Variants in CPEB2 observed in about 807,000 individuals in gnomAD.
CPEB2 encodes cytoplasmic polyadenylation element binding protein 2.
In CPEB2, 56 loss-of-function variants were observed where a neutral mutation model predicts 93.6. The ratio of observed to expected loss-of-function variants is 0.60; its 90% CI spans 0.48 to 0.75. CPEB2 has a LOEUF of 0.75. CPEB2 is among the 30% of genes least tolerant of loss of function. The pLI is 0.00. For synonymous variants in CPEB2, 764 were observed against 586.3 expected, an observed-to-expected ratio of 1.30 and a Z score of -4.38; for missense variants, 1,579 against 1,395.1, an observed-to-expected ratio of 1.13 and a Z score of -2.10.
chr4:15,028,566 A>G (rs1283820784), intron 4 of CPEB2, among the ~76,000 whole-genome samples: 1 of 152,086 alleles, frequency 6.6e-6, no homozygotes, highest in Non-Finnish European at 1.5e-5. Flanking sequence ...AGAAGTATAG[A>G]GACAGAAAAT....
chr4:15,040,805 A>G (rs1448297564), intron 6 of CPEB2, among the ~76,000 whole-genome samples: 1 of 152,152 alleles, frequency 6.6e-6, no homozygotes, highest in Non-Finnish European at 1.5e-5. Flanking sequence ...AATATTAGTG[A>G]AGTTAGCATG....
rs755358713 is a variant in CPEB2, at chr4:15,003,222, C to T, written c.549C>T (p.Ser183=). The change falls in exon 1 of 12, where the codon AGC becomes AGT. Residue 183 remains serine, a synonymous_variant. Transcript: ENST00000538197. ...GCAGCCAGAAGAGGAAAGAGTTCAG[C>T]CCTCCCCACCTTCCCCACCCTCCGG... ...QLSSQKRKEF[S]PPHLPHPPDS... is the part of the protein sequence containing the mutation. The T allele has an allele frequency of 8.8e-5, 135 of 1,531,550 alleles. 1 individual carries two copies. Among genetic ancestry groups the T allele is most frequent in the Non-Finnish European group, 1.1e-4 (129 of 1,145,276 alleles). The allele number at this position is 1,531,550 out of a possible 1,614,324, so 94.9% of individuals were successfully genotyped here.
chr4:15,004,336 G>A lies in CPEB2; in HGVS notation c.1662+1G>A. ...GAGGAACTCCTATAACCACCACCAG[G>A]TACGGCGGGCGGCGGCCTGGCCGCG... On this transcript the variant is annotated splice_donor_variant, in intron 1 of 11. Coordinates refer to ENST00000538197, the MANE Select transcript of CPEB2 (RefSeq NM_001177382.2). LOFTEE classifies it high-confidence loss of function. The A allele has an allele frequency of 6.9e-7, 1 of 1,448,644 alleles. No homozygotes were observed. The highest frequency in any genetic ancestry group is 9.0e-7 in the Non-Finnish European group (1 of 1,111,412). 89.7% of individuals were successfully genotyped at this position (1,448,644 alleles called of 1,614,324 possible).
intron 11 of CPEB2, among the ~76,000 whole-genome samples, chr4:15,065,704 T>C (rs1404192147): frequency 6.6e-6 from 1 of 152,094 alleles, no homozygotes; most frequent in East Asian, 1.9e-4. Flanking sequence ...TCCACAGTTC[T>C]GGCTTGTCTG....
intron 8 of CPEB2, among the ~76,000 whole-genome samples, chr4:15,055,759 T>C (rs1728659518): frequency 1.3e-5 from 2 of 152,200 alleles, no homozygotes; most frequent in South Asian, 4.1e-4. Context: ...CTTCTTCTAC[T>C]ATTGCTGCTT....
intron 11 of CPEB2, among the ~76,000 whole-genome samples, chr4:15,062,861 GT>G: frequency 6.6e-6 from 1 of 151,934 alleles, no homozygotes; most frequent in South Asian, 2.1e-4. Context: ...ATAAGAACTT[GT>G]AAGAAGTACT....
Position 15,004,308 on chromosome 4 carries a change from G to T in CPEB2, c.1635G>T (p.Gln545His), listed in dbSNP as rs1315901015. ...QHQAAAAAFL[Q>H]QRNSYNHHQP... ...AGGCGGCGGCCGCCGCCTTCCTGCAGCAGAGGAACTCCTATAACCACCACC... is the reference window on the plus strand; with the variant it reads ...AGGCGGCGGCCGCCGCCTTCCTGCATCAGAGGAACTCCTATAACCACCACC... Residue 545 changes from glutamine to histidine, a missense_variant, in exon 1 of 12, where the codon CAG becomes CAT. By Grantham distance (24) the Gln-to-His change is conservative. This residue lies in a region of CPEB2 where 1,411 missense variants were observed against 1,056.0 expected (regional missense o/e 1.34). Coordinates refer to ENST00000538197, the MANE Select transcript of CPEB2 (RefSeq NM_001177382.2). 2.7e-6 allele frequency: 4 copies of T among 1,490,942 alleles called. No individual in the cohort carries two copies. The African/African-American group carries it at 5.9e-5, about 22-fold the overall frequency. The allele number at this position is 1,490,942 out of a possible 1,614,324, so 92.4% of individuals were successfully genotyped here.
chr4:15,033,090 T>G (rs962424687), intron 4 of CPEB2, 71 bp from the exon 5 acceptor site: 1 of 1,060,898 alleles, frequency 9.4e-7, no homozygotes, highest in Admixed American at 2.2e-5. Context: ...TGTTGTTGTT[T>G]TTTGTTTTTT....
intron 5 of CPEB2, among the ~76,000 whole-genome samples, chr4:15,034,349 G>A (rs1490546583): frequency 6.6e-6 from 1 of 152,188 alleles, no homozygotes; most frequent in East Asian, 1.9e-4. Context: ...TACATTATTA[G>A]TTATACTAAA....
At position 15,044,585 on chromosome 4, in the gene CPEB2, A is replaced by G. The variant is rs143231555; in HGVS notation, c.2200+4098A>G. On this transcript the variant is annotated intron_variant, in intron 6 of 11. Transcript: ENST00000538197. Reference sequence around the variant, plus strand: ...TCCTTAATGAGAAAGGTACAAACCTATTGGAGCAAAACATTTTTAAGCCGT... The same window carrying G: ...TCCTTAATGAGAAAGGTACAAACCTGTTGGAGCAAAACATTTTTAAGCCGT... Among the ~76,000 whole-genome samples, 359 of 152,318 alleles carry G rather than the reference A, an allele frequency of 2.4e-3. 3 individuals are homozygous for G. The highest frequency in any genetic ancestry group is 0.018 in the South Asian group (88 of 4,832).
At chr4:15,030,086 G>C (rs1384002683) in intron 4 of CPEB2, among the ~76,000 whole-genome samples, 1 of 152,030 alleles carries the variant, frequency 6.6e-6, no homozygotes, top group Non-Finnish European at 1.5e-5. Flanking sequence ...GTAGTTATTA[G>C]TGTACATCTA....
At chr4:15,052,206 CTA>C (rs1728298380) in intron 6 of CPEB2, among the ~76,000 whole-genome samples, 1 of 151,984 alleles carries the variant, frequency 6.6e-6, no homozygotes, top group African/African-American at 2.4e-5. Context: ...TGACATATGA[CTA>C]TGTTTATTTC....
chr4:15,043,226 A>G (rs573964629), intron 6 of CPEB2, among the ~76,000 whole-genome samples: 1 of 152,326 alleles, frequency 6.6e-6, no homozygotes, highest in South Asian at 2.1e-4. Context: ...TAATAATGTC[A>G]ATAAGAACTT....
rs1371799402 is a variant in CPEB2, at chr4:15,069,376, A to T, written c.*2996A>T. The T allele has an allele frequency of 6.6e-6, 1 of 152,188 alleles. No homozygotes were observed. The highest frequency in any genetic ancestry group is 1.5e-5 in the Non-Finnish European group (1 of 67,808). 9.4% of individuals were successfully genotyped at this position (152,188 alleles called of 1,614,324 possible). A position where few individuals can be genotyped will look rare whatever the true frequency, so the allele number is the denominator to read the frequency against. On this transcript the variant is annotated 3_prime_UTR_variant, in exon 12 of 12. Transcript: ENST00000538197. ...AACAGTGTAAACCTTTTTAATGCAA[A>T]TTTATTTTTTTCATTGCATATTTTG... is the stretch of plus-strand genomic sequence containing the variant.
At chr4:15,009,932 C>A (rs1379777966) in intron 3 of CPEB2, among the ~76,000 whole-genome samples, 1 of 152,118 alleles carries the variant, frequency 6.6e-6, no homozygotes, top group African/African-American at 2.4e-5. Flanking sequence ...TCTGCTTTTA[C>A]CTGTATTATA....
At chr4:15,064,933 T>C (rs1235905231) in intron 11 of CPEB2, among the ~76,000 whole-genome samples, 1 of 152,036 alleles carries the variant, frequency 6.6e-6, no homozygotes, top group African/African-American at 2.4e-5. Context: ...AGAGAACTCA[T>C]AAATCAATTT....
intron 6 of CPEB2, among the ~76,000 whole-genome samples, chr4:15,041,128 A>G (rs1446659056): frequency 6.6e-6 from 1 of 152,088 alleles, no homozygotes; most frequent in African/African-American, 2.4e-5. Flanking sequence ...AAAGAGGACT[A>G]TGTGATGCAA....
intron 3 of CPEB2, among the ~76,000 whole-genome samples, chr4:15,014,406 A>G (rs1275204140): frequency 1.3e-5 from 2 of 152,024 alleles, no homozygotes; most frequent in African/African-American, 2.4e-5. Flanking sequence ...GCTTAATTAT[A>G]TGAACATTAA....
In CPEB2 at chr4:15,007,292, A is replaced by G. The variant is rs765418158; in HGVS notation, c.1663-13A>G. ...TTTAAATGCCGCAATTTAAATAGCTATGTTTTCCCTAGCCTCTTCTGAAAC... is the reference window on the plus strand; with the variant it reads ...TTTAAATGCCGCAATTTAAATAGCTGTGTTTTCCCTAGCCTCTTCTGAAAC... On this transcript the variant is annotated splice_polypyrimidine_tract_variant and intron_variant, in intron 1 of 11. Transcript: ENST00000538197. 14 of 1,428,440 alleles carry G rather than the reference A, an allele frequency of 9.8e-6. No homozygotes were observed. In the East Asian group the frequency reaches 2.0e-4, roughly 20 times the overall value. The allele number at this position is 1,428,440 out of a possible 1,614,324, so 88.5% of individuals were successfully genotyped here.
Sources: allele counts gnomAD v4.1 joint callset (sites outside exome capture counted in the v4.1 genomes callset), GRCh38; gene constraint gnomAD v4.1.1; regional missense constraint gnomAD v4.1.1; transcripts MANE v1.5; gene names NCBI Gene and HGNC (gene_info 2026-07-23, HGNC 2026-07-21).